The following RAD51B variants were observed in gnomAD, a reference collection of about 807,000 sequenced individuals.
The protein encoded by RAD51B is RAD51 paralog B.
A neutral mutation model predicts 42.2 loss-of-function variants in RAD51B; 38 were observed. The ratio of observed to expected loss-of-function variants is 0.90; its 90% CI spans 0.70 to 1.18. RAD51B has a LOEUF of 1.18. RAD51B is among the 50% of genes most tolerant of loss of function. The pLI is 0.00. For synonymous variants in RAD51B, 154 were observed against 145.2 expected (o/e 1.06, Z -0.43); for missense variants, 373 against 400.7 (o/e 0.93, Z 0.59).
At chr14:68,163,230 G>T (rs1379109458) in intron 7 of RAD51B, among the ~76,000 whole-genome samples, 2 of 152,204 alleles carry the variant, frequency 1.3e-5, no homozygotes, top group Non-Finnish European at 2.9e-5. Flanking sequence ...GGAGTCGGAA[G>T]ATTTGAGGCT....
At chr14:68,278,880 G>A (rs945250107) in intron 7 of RAD51B, among the ~76,000 whole-genome samples, 6 of 152,154 alleles carry the variant, frequency 3.9e-5, no homozygotes, top group Non-Finnish European at 8.8e-5. Context: ...CTCCTGGTGA[G>A]ATAGGAAACC....
intron 7 of RAD51B, among the ~76,000 whole-genome samples, chr14:68,055,823 A>G (rs1021515063): frequency 2.8e-4 from 43 of 152,216 alleles, no homozygotes; most frequent in Admixed American, 1.3e-4. Context: ...ACAGTGAGCA[A>G]AGAGACCTAG....
intron 7 of RAD51B, among the ~76,000 whole-genome samples, chr14:68,258,261 C>T (rs988261040): frequency 1.3e-5 from 2 of 151,956 alleles, no homozygotes; most frequent in African/African-American, 2.4e-5. Context: ...ATTAGCCAGG[C>T]GTGGTGGTGT....
At chr14:68,015,394 G>A (rs2075761258) in intron 7 of RAD51B, among the ~76,000 whole-genome samples, 2 of 152,178 alleles carry the variant, frequency 1.3e-5, no homozygotes, top group African/African-American at 4.8e-5. Flanking sequence ...TGGTGTATTA[G>A]TCTGTTCTCA....
intron 8 of RAD51B, among the ~76,000 whole-genome samples, chr14:68,324,312 C>T (rs1216856464): frequency 4.6e-5 from 7 of 152,216 alleles, no homozygotes; most frequent in Non-Finnish European, 4.4e-5. Flanking sequence ...CTTGATGAGC[C>T]ATCCAGGCCT....
intron 7 of RAD51B, among the ~76,000 whole-genome samples, chr14:68,162,944 G>A (rs1464219800): frequency 6.6e-6 from 1 of 152,226 alleles, no homozygotes; most frequent in Non-Finnish European, 1.5e-5. Flanking sequence ...GCAGAAGAAT[G>A]CGTTAAATGT....
At chr14:67,865,178 G>A in intron 5 of RAD51B, 39 bp downstream of exon 5, 1 of 1,538,916 alleles carries the variant, frequency 6.5e-7, no homozygotes, top group Non-Finnish European at 8.8e-7. Context: ...TTTTACTTTT[G>A]TAACTTATAT....
intron 7 of RAD51B, among the ~76,000 whole-genome samples, chr14:68,282,719 C>G (rs1306170742): frequency 6.6e-6 from 1 of 152,146 alleles, no homozygotes; most frequent in African/African-American, 2.4e-5. Flanking sequence ...AGTGAGTGGC[C>G]TTTGCTCCCA....
At chr14:68,145,450 T>G (rs533293908) in intron 7 of RAD51B, among the ~76,000 whole-genome samples, 4 of 152,348 alleles carry the variant, frequency 2.6e-5, no homozygotes, top group African/African-American at 7.2e-5. Context: ...ACAAGAATAC[T>G]TTATGGTTAT....
At chr14:68,625,482 A>C (rs1387367691) in intron 10 of RAD51B, among the ~76,000 whole-genome samples, 1 of 151,800 alleles carries the variant, frequency 6.6e-6, no homozygotes, top group Non-Finnish European at 1.5e-5. Context: ...ATTTTTATTT[A>C]TTTTTTATGA....
intron 1 of RAD51B, among the ~76,000 whole-genome samples, chr14:67,820,933 G>A (rs2040606515): frequency 6.6e-6 from 1 of 152,122 alleles, no homozygotes; most frequent in Non-Finnish European, 1.5e-5. Context: ...GGAACTGAAC[G>A]TTGCAATGTG....
At chr14:68,325,407 G>A (rs1410545501) in intron 8 of RAD51B, among the ~76,000 whole-genome samples, 2 of 152,154 alleles carry the variant, frequency 1.3e-5, no homozygotes, top group Non-Finnish European at 2.9e-5. Flanking sequence ...GAACTGGAAT[G>A]AACTTCTTCA....
intron 10 of RAD51B, among the ~76,000 whole-genome samples, chr14:68,547,846 G>T (rs1888317354): frequency 6.6e-6 from 1 of 152,210 alleles, no homozygotes; most frequent in Non-Finnish European, 1.5e-5. Flanking sequence ...ACCCAGACCT[G>T]CAGGCCTTTT....
At chr14:68,390,589 C>T (rs1465368053) in intron 8 of RAD51B, among the ~76,000 whole-genome samples, 3 of 152,174 alleles carry the variant, frequency 2.0e-5, no homozygotes, top group African/African-American at 7.2e-5. Flanking sequence ...GACAGACCAG[C>T]ATTGAATGAA....
chr14:68,503,490 C>G (rs1333246859), intron 10 of RAD51B, among the ~76,000 whole-genome samples: 2 of 151,220 alleles, frequency 1.3e-5, no homozygotes, highest in East Asian at 3.9e-4. Flanking sequence ...CTACCCACCA[C>G]TCACTAGATT....
chr14:68,460,991 C>T (rs1044311252), intron 9 of RAD51B, among the ~76,000 whole-genome samples: 11 of 152,148 alleles, frequency 7.2e-5, no homozygotes, highest in South Asian at 4.2e-4. Context: ...GCTTCTCTTA[C>T]GTATATAGCA....
intron 2 of RAD51B, 125 bp downstream of exon 2, chr14:67,823,752 TC>T: frequency 2.9e-6 from 2 of 689,518 alleles, no homozygotes; most frequent in Non-Finnish European, 4.6e-6. Flanking sequence ...ATGGTGCTTT[TC>T]CATAGGCTAA....
At chr14:68,434,016 C>A (rs966530348) in intron 9 of RAD51B, among the ~76,000 whole-genome samples, 1 of 152,140 alleles carries the variant, frequency 6.6e-6, no homozygotes, top group Non-Finnish European at 1.5e-5. Flanking sequence ...CACTCCAGAC[C>A]CTGTTTGCCT....
intron 9 of RAD51B, among the ~76,000 whole-genome samples, chr14:68,459,817 A>G (rs1937684853): frequency 6.6e-6 from 1 of 152,208 alleles, no homozygotes; most frequent in Non-Finnish European, 1.5e-5. Context: ...AGCCAGTCCT[A>G]CCACCTGTCC....
Sources: gnomAD v4.1 joint callset for allele counts (sites outside exome capture counted in the v4.1 genomes callset) on GRCh38, gnomAD v4.1.1 for gene constraint, MANE v1.5 for transcripts, NCBI Gene and HGNC (gene_info 2026-07-23, HGNC 2026-07-21) for gene names.